The following MMP2 variants were observed in gnomAD, a reference collection of about 807,000 sequenced individuals.
MMP2 encodes matrix metallopeptidase 2.
A neutral mutation model predicts 74.8 loss-of-function variants in MMP2; 39 were observed. The ratio of observed to expected loss-of-function variants is 0.52; its 90% CI spans 0.40 to 0.68. The LOEUF (loss-of-function observed/expected upper bound fraction) is 0.68. Ranked by LOEUF, MMP2 falls within the 30% of genes least tolerant of loss-of-function variation. The pLI is 0.00. For synonymous variants in MMP2, 367 were observed against 339.8 expected (o/e 1.08, Z -0.88); for missense variants, 803 against 878.3 (o/e 0.91, Z 1.08).
chr16:55,480,249 G>T (rs1962063960), intron 1 of MMP2, among the ~76,000 whole-genome samples: 1 of 152,194 alleles, frequency 6.6e-6, no homozygotes, highest in South Asian at 2.1e-4. Context: ...AACAGCTCGA[G>T]GGGGCCATTT....
chr16:55,497,118 C>T (rs17859975), intron 10 of MMP2, 56 bp downstream of exon 10: 36,876 of 1,611,548 alleles, frequency 0.023, 887 homozygotes, highest in East Asian at 0.091. Context: ...TGCACCAGGG[C>T]TCCTGGGTGT....
rs749684783 is a variant in MMP2, at chr16:55,496,976, T to C, written c.1523T>C (p.Leu508Pro). The C allele has an allele frequency of 1.2e-6, 2 of 1,614,170 alleles. No homozygotes were observed. Among genetic ancestry groups the C allele is most frequent in the East Asian group, 4.5e-5 (2 of 44,878 alleles). The part of the protein sequence containing the change: ...TPRDKPMGPL[L>P]VATFWPELPE... ...CGTGACAAGCCCATGGGGCCCCTGC[T>C]GGTGGCCACATTCTGGCCTGAGCTC... Residue 508 changes from leucine (L) to proline (P), a missense_variant, in exon 10 of 13, where the codon CTG (leucine) becomes CCG (proline). By Grantham distance (98) the Leu-to-Pro change is moderately conservative (BLOSUM62 -3). Around this residue, in one of 3 missense-constraint regions of MMP2, gnomAD observed 555 missense variants for 592.0 expected, o/e 0.94. Coordinates refer to ENST00000219070, the MANE Select transcript of MMP2 (RefSeq NM_004530.6).
In MMP2 at chr16:55,496,495, T is replaced by TGTCAAGA. The variant is rs1252614342; in HGVS notation, c.1473-430_1473-429insTCAAGAG. Among the ~76,000 whole-genome samples, 5 of 152,334 alleles carry TGTCAAGA rather than the reference T, an allele frequency of 3.3e-5. No homozygotes were observed. In the East Asian group the frequency reaches 7.7e-4, roughly 23 times the overall value. ...CTCAATAAATGATAACTCTTACTCT[T>TGTCAAGA]GACAAAGTACACAAATTCATTTCAT... is the stretch of plus-strand genomic sequence containing the variant. On this transcript the variant is annotated intron_variant, in intron 9 of 12. Coordinates refer to ENST00000219070, the MANE Select transcript of MMP2 (RefSeq NM_004530.6).
chr16:55,482,224 C>T (rs1197285756), intron 1 of MMP2, among the ~76,000 whole-genome samples: 1 of 152,180 alleles, frequency 6.6e-6, no homozygotes, highest in Non-Finnish European at 1.5e-5. Context: ...CAGGGACCTG[C>T]TCAGTTTGGG....
chr16:55,492,000 G>C, intron 8 of MMP2, 44 bp downstream of exon 8: 2 of 1,377,038 alleles, frequency 1.5e-6, no homozygotes, highest in Non-Finnish European at 2.0e-6. Context: ...TGAGGAGGGG[G>C]GAGGTCATGT....
rs986052888 is a variant in MMP2 at position 55,485,638 on chromosome 16, G to A, written c.693G>A (p.Glu231=). 3 of 1,614,142 alleles carry A rather than the reference G, an allele frequency of 1.9e-6. No individual in the cohort carries two copies. The highest frequency in any genetic ancestry group is 2.5e-6 in the Non-Finnish European group (3 of 1,180,014). The change falls in exon 5 of 13, where the codon GAG becomes GAA. Residue 231 remains glutamate, a synonymous_variant. Transcript: ENST00000219070. ...TGAAGTATGGGAACGCCGATGGGGA[G>A]TACTGCAAGTTCCCCTTCTTGTTCA... is the stretch of plus-strand genomic sequence containing the variant. ...VRVKYGNADG[E]YCKFPFLFNG...
At chr16:55,484,277 T>A in intron 3 of MMP2, 113 bp downstream of exon 3, 1 of 1,281,174 alleles carries the variant, frequency 7.8e-7, no homozygotes, top group Non-Finnish European at 1.1e-6. Flanking sequence ...GATAGGACAG[T>A]AGATGGTGTG....
chr16:55,479,555 C>T lies in MMP2; in HGVS notation c.76C>T (p.His26Tyr). Residue 26 changes from histidine (H) to tyrosine (Y), a missense_variant, in exon 1 of 13, where the codon CAC becomes TAC. Physicochemically the swap from His to Tyr is moderately conservative, Grantham distance 83 (BLOSUM62 2). Transcript: ENST00000219070. ...CTGTCTCCTGGGCTGCCTGCTGAGC[C>T]ACGCCGCCGCCGCGCCGTCGCCCAT... is the stretch of plus-strand genomic sequence containing the variant. ...ALCLLGCLLSHAAAAPSPIIK... is the reference protein window; with the variant it reads ...ALCLLGCLLSYAAAAPSPIIK... 6.2e-7 allele frequency: 1 copy of T among 1,612,702 alleles called. No individual in the cohort carries two copies. The highest frequency in any genetic ancestry group is 8.5e-7 in the Non-Finnish European group (1 of 1,179,788).
chr16:55,488,666 C>T lies in MMP2; in HGVS notation c.956C>T (p.Thr319Ile). 4 of 1,612,974 alleles carry T rather than the reference C, an allele frequency of 2.5e-6. No homozygotes were observed. Among genetic ancestry groups the T allele is most frequent in the Non-Finnish European group, 3.4e-6 (4 of 1,179,560 alleles). ...ACGGATGGCTACCGCTGGTGCGGCA[C>T]CACTGAGGACTACGACCGCGACAAG... is the stretch of plus-strand genomic sequence containing the variant. ...GRTDGYRWCG[T>I]TEDYDRDKKY... Residue 319 changes from threonine (T) to isoleucine (I), a missense_variant, in exon 6 of 13, where the codon ACC becomes ATC. Physicochemically the swap from Thr to Ile is moderately conservative, Grantham distance 89 (BLOSUM62 -1). Coordinates refer to ENST00000219070, the MANE Select transcript of MMP2 (RefSeq NM_004530.6).
chr16:55,493,252 C>T lies in MMP2; in HGVS notation c.1431C>T (p.Gly477=). The T allele has an allele frequency of 6.2e-7, 1 of 1,614,178 alleles. No homozygotes were observed. Among genetic ancestry groups the T allele is most frequent in the South Asian group, 1.1e-5 (1 of 91,084 alleles). Residue 477 remains glycine (G), a synonymous_variant, in exon 9 of 13, where the codon GGC becomes GGT. Coordinates refer to ENST00000219070, the MANE Select transcript of MMP2 (RefSeq NM_004530.6). ...EICKQDIVFD[G]IAQIRGEIFF... is the part of the protein sequence containing the mutation. Reference sequence around the variant, plus strand: ...GCAAACAGGACATTGTATTTGATGGCATCGCTCAGATCCGTGGTGAGATCT... The same window carrying T: ...GCAAACAGGACATTGTATTTGATGGTATCGCTCAGATCCGTGGTGAGATCT...
chr16:55,481,768 C>T (rs1386058019), intron 1 of MMP2: 2 of 710,792 alleles, frequency 2.8e-6, no homozygotes, highest in African/African-American at 3.5e-5. Context: ...AACCAGCTGG[C>T]CTAGTGATGA....
At chr16:55,482,132 G>A (rs1275870026) in intron 1 of MMP2, among the ~76,000 whole-genome samples, 1 of 152,194 alleles carries the variant, frequency 6.6e-6, no homozygotes, top group Non-Finnish European at 1.5e-5. Context: ...TTCCTCAGCA[G>A]TAGCACTGGG....
At chr16:55,482,139 T>A (rs1962120898) in intron 1 of MMP2, among the ~76,000 whole-genome samples, 1 of 152,242 alleles carries the variant, frequency 6.6e-6, no homozygotes, top group Non-Finnish European at 1.5e-5. Context: ...GCAGTAGCAC[T>A]GGGCTTGGTA....
At chr16:55,498,903 C>T (rs1962597790) in intron 11 of MMP2, among the ~76,000 whole-genome samples, 1 of 152,166 alleles carries the variant, frequency 6.6e-6, no homozygotes, top group South Asian at 2.1e-4. Flanking sequence ...CACAGTGGCT[C>T]ACGCCTGTAA....
In MMP2 at chr16:55,493,190, C is replaced by T; in HGVS notation, c.1369C>T (p.Pro457Ser). 1 of 1,614,006 alleles carries T rather than the reference C, an allele frequency of 6.2e-7. No homozygotes were observed. The highest frequency in any genetic ancestry group is 8.5e-7 in the Non-Finnish European group (1 of 1,180,006). Residue 457 changes from proline to serine, a missense_variant, in exon 9 of 13, where the codon CCC becomes TCC. By Grantham distance (74) the Pro-to-Ser change is moderately conservative. Around this residue, in one of 3 missense-constraint regions of MMP2, gnomAD observed 555 missense variants for 592.0 expected, o/e 0.94. Coordinates refer to ENST00000219070, the MANE Select transcript of MMP2 (RefSeq NM_004530.6). ...TCCTGACATTGACCTTGGCACCGGC[C>T]CCACCCCCACGCTGGGCCCTGTCAC... is the stretch of plus-strand genomic sequence containing the variant. ...ASPDIDLGTGPTPTLGPVTPE... is the reference protein window; with the variant it reads ...ASPDIDLGTGSTPTLGPVTPE...
chr16:55,504,080 C>G (rs1157633081), intron 12 of MMP2, among the ~76,000 whole-genome samples: 1 of 152,120 alleles, frequency 6.6e-6, no homozygotes, highest in Non-Finnish European at 1.5e-5. Context: ...ATCGCTTGAG[C>G]CCAGGAGTTT....
rs568019932 is a variant in MMP2 at position 55,493,107 on chromosome 16, G to C, written c.1337-51G>C. 3.5e-5 allele frequency: 56 copies of C among 1,610,054 alleles called. 1 individual carries two copies. The South Asian group carries it at 4.4e-4, about 13-fold the overall frequency. ...GGCACCCCTGGGGGCTCACCCTAGT[G>C]GGGAGAACCTCTGGAGCTGCAGAGA... On this transcript the variant is annotated intron_variant, in intron 8 of 12. Transcript: ENST00000219070.
chr16:55,502,626 C>G (rs1962693921), intron 11 of MMP2, among the ~76,000 whole-genome samples, 153 bp from the exon 12 acceptor site: 1 of 152,166 alleles, frequency 6.6e-6, no homozygotes, highest in Non-Finnish European at 1.5e-5. Flanking sequence ...ATTCCATGCC[C>G]TTCCTTCCAC....
chr16:55,488,685 C>T lies in MMP2; in HGVS notation c.975C>T (p.Arg325=), dbSNP rs143619840. ...RWCGTTEDYD[R]DKKYGFCPET... ...GCGGCACCACTGAGGACTACGACCGCGACAAGAAGTATGGCTTCTGCCCTG... is the reference window on the plus strand; with the variant it reads ...GCGGCACCACTGAGGACTACGACCGTGACAAGAAGTATGGCTTCTGCCCTG... The change falls in exon 6 of 13, where the codon CGC becomes CGT. Residue 325 remains arginine, a synonymous_variant. Transcript: ENST00000219070. 5.0e-5 allele frequency: 80 copies of T among 1,610,570 alleles called. No individual in the cohort carries two copies. Among genetic ancestry groups the T allele is most frequent in the Admixed American group, 2.5e-4 (15 of 59,748 alleles).
Sources: allele counts gnomAD v4.1 joint callset (sites outside exome capture counted in the v4.1 genomes callset), GRCh38; gene constraint gnomAD v4.1.1; regional missense constraint gnomAD v4.1.1; transcripts MANE v1.5; gene names NCBI Gene and HGNC (gene_info 2026-07-23, HGNC 2026-07-21).